The following TCEANC2 variants were observed in gnomAD, a reference collection of about 807,000 sequenced individuals.
TCEANC2 encodes the protein transcription elongation factor A N-terminal and central domain-containing protein 2.
In TCEANC2, 20 loss-of-function variants were observed where a neutral mutation model predicts 22.8. The observed-to-expected ratio is 0.88, with a 90% CI of 0.62 to 1.28. The LOEUF is 1.28. Ranked by LOEUF, TCEANC2 falls within the 50% of genes most tolerant of loss-of-function variation. The pLI is 0.00. For synonymous variants in TCEANC2, 84 were observed against 95.5 expected (o/e 0.88, Z 0.70); for missense variants, 251 against 249.7 (o/e 1.01, Z -0.03).
intron 3 of TCEANC2, among the ~76,000 whole-genome samples, chr1:54,080,656 C>G (rs1265192514): frequency 6.6e-6 from 1 of 152,208 alleles, no homozygotes; most frequent in Non-Finnish European, 1.5e-5. Context: ...ACAGATTAGT[C>G]TGGATTTTCC....
chr1:54,079,869 G>A (rs773163982), intron 3 of TCEANC2, among the ~76,000 whole-genome samples: 2 of 152,134 alleles, frequency 1.3e-5, no homozygotes, highest in Non-Finnish European at 2.9e-5. Context: ...TCAGGCTTCT[G>A]TGCTCTTGTT....
intron 3 of TCEANC2, among the ~76,000 whole-genome samples, chr1:54,083,606 G>T (rs1389422518): frequency 6.6e-6 from 1 of 152,166 alleles, no homozygotes; most frequent in African/African-American, 2.4e-5. Context: ...CATAAAGCTG[G>T]GTCAGCAGTG....
chr1:54,061,102 G>A (rs1259069048), intron 2 of TCEANC2, among the ~76,000 whole-genome samples: 1 of 152,166 alleles, frequency 6.6e-6, no homozygotes, highest in Non-Finnish European at 1.5e-5. Flanking sequence ...TTCAATGAGT[G>A]GTATGTGCTC....
At position 54,078,978 on chromosome 1, in the gene TCEANC2, G is replaced by GC. The variant is rs201051896; in HGVS notation, c.245-9618dup. ...AACTAGCAAAACGCCTTTGGAGCTGGCAGTGATAAGGCCTCTGTGAGTGGA... is the reference window on the plus strand; with the variant it reads ...AACTAGCAAAACGCCTTTGGAGCTGGCCAGTGATAAGGCCTCTGTGAGTGGA... On this transcript the variant is annotated intron_variant, in intron 3 of 4. Transcript: ENST00000234827. Among the ~76,000 whole-genome samples the GC allele has an allele frequency of 7.5e-4, 115 of 152,318 alleles. 1 individual carries two copies. The East Asian group carries it at 0.02, about 27-fold the overall frequency.
chr1:54,056,972 C>G (rs111893545), intron 2 of TCEANC2, among the ~76,000 whole-genome samples: 14,945 of 151,146 alleles, frequency 0.099, 1,751 homozygotes, highest in African/African-American at 0.29. Flanking sequence ...AACCTGGGAG[C>G]TGGAGGTTGC....
intron 3 of TCEANC2, among the ~76,000 whole-genome samples, chr1:54,077,196 G>A (rs1334271823): frequency 2.0e-5 from 3 of 152,266 alleles, no homozygotes; most frequent in African/African-American, 4.8e-5. Flanking sequence ...GATGCCTCTC[G>A]CTATGTTGCC....
intron 3 of TCEANC2, among the ~76,000 whole-genome samples, chr1:54,076,642 T>G (rs1408301586): frequency 6.6e-6 from 1 of 152,158 alleles, no homozygotes; most frequent in East Asian, 1.9e-4. Context: ...TAGGATGACA[T>G]GATGAGCGTT....
chr1:54,058,275 C>T (rs1473753396), intron 2 of TCEANC2, among the ~76,000 whole-genome samples: 1 of 152,172 alleles, frequency 6.6e-6, no homozygotes, highest in East Asian at 1.9e-4. Flanking sequence ...TGGGCCCTTC[C>T]TGACCACCCT....
intron 3 of TCEANC2, among the ~76,000 whole-genome samples, chr1:54,079,162 ATC>A (rs769686638): frequency 7.2e-5 from 11 of 152,304 alleles, no homozygotes; most frequent in Middle Eastern, 3.4e-3. Flanking sequence ...TGTCAATCAT[ATC>A]TGATTTCAGA....
In TCEANC2 at chr1:54,099,575, C is replaced by T. The variant is rs988890709; in HGVS notation, c.*3102C>T. ...CCTGGCCAACATGGCGAAACCCTGT[C>T]TGTACTAAAAATACAAAAATTAGCC... On this transcript the variant is annotated 3_prime_UTR_variant, in exon 5 of 5. Coordinates refer to ENST00000234827, the MANE Select transcript of TCEANC2 (RefSeq NM_153035.3). 1.3e-5 allele frequency: 2 copies of T among 151,936 alleles called. No homozygotes were observed. Among genetic ancestry groups the T allele is most frequent in the African/African-American group, 4.8e-5 (2 of 41,336 alleles). 9.4% of individuals were successfully genotyped at this position (151,936 alleles called of 1,614,324 possible).
chr1:54,104,824 G>C lies in TCEANC2; in HGVS notation c.*8351G>C, dbSNP rs1441714634. 2 of 373,426 alleles carry C rather than the reference G, an allele frequency of 5.4e-6. No individual in the cohort carries two copies. Among genetic ancestry groups the C allele is most frequent in the East Asian group, 1.5e-4 (2 of 13,280 alleles). 23.1% of individuals were successfully genotyped at this position (373,426 alleles called of 1,614,324 possible). A position where few individuals can be genotyped will look rare whatever the true frequency, so the allele number is the denominator to read the frequency against. On this transcript the variant is annotated 3_prime_UTR_variant, in exon 5 of 5. Coordinates refer to ENST00000234827, the MANE Select transcript of TCEANC2 (RefSeq NM_153035.3). ...CCCAAAGTGCTGGGATTACAGGCGTGAGCCACTGCGCCTGGCCCCTTGCCC... is the reference window on the plus strand; with the variant it reads ...CCCAAAGTGCTGGGATTACAGGCGTCAGCCACTGCGCCTGGCCCCTTGCCC...
downstream of TCEANC2, among the ~76,000 whole-genome samples, chr1:54,106,791 C>A (rs886362021): frequency 6.6e-6 from 1 of 152,010 alleles, no homozygotes. Context: ...CAGATATATA[C>A]CCAATTTAGA....
At position 54,103,978 on chromosome 1, in the gene TCEANC2, G is replaced by C. The variant is rs545347948; in HGVS notation, c.*7505G>C. ...AAGGAGGTGCAGCAGTGGGCACATG[G>C]TGACAGGGTCCACTTGTCCTTTCAT... On this transcript the variant is annotated 3_prime_UTR_variant, in exon 5 of 5. Transcript: ENST00000234827. The C allele has an allele frequency of 6.6e-6, 1 of 152,340 alleles. No homozygotes were observed. Among genetic ancestry groups the C allele is most frequent in the Non-Finnish European group, 1.5e-5 (1 of 68,046 alleles). The allele number at this position is 152,340 out of a possible 1,614,324, so 9.4% of individuals were successfully genotyped here.
Position 54,055,557 on chromosome 1 carries a change from A to G in TCEANC2, c.102+1033A>G, listed in dbSNP as rs79888173. Reference sequence around the variant, plus strand: ...TCTGTCACATTTTATGTATTTGGCCAGGATGACATTATCCATTCTTTAGGC... The same window carrying G: ...TCTGTCACATTTTATGTATTTGGCCGGGATGACATTATCCATTCTTTAGGC... On this transcript the variant is annotated intron_variant, in intron 2 of 4. Transcript: ENST00000234827. Among the ~76,000 whole-genome samples, 476 of 152,340 alleles carry G rather than the reference A, an allele frequency of 3.1e-3. 2 individuals carry two copies. The highest frequency in any genetic ancestry group is 0.011 in the African/African-American group (452 of 41,584).
At chr1:54,083,939 T>G (rs1430668627) in intron 3 of TCEANC2, among the ~76,000 whole-genome samples, 2 of 152,222 alleles carry the variant, frequency 1.3e-5, no homozygotes, top group Non-Finnish European at 2.9e-5. Context: ...CTCTGAGACC[T>G]GCTTTTTTCA....
rs1477783721 is a variant in TCEANC2, at chr1:54,090,102, T to C, written c.438+1312T>C. ...AAAGGAATGGAGAGATCAGTAATCA[T>C]TCCAGCTGGTGTAATAATGAATTGT... On this transcript the variant is annotated intron_variant, in intron 4 of 4. Coordinates refer to ENST00000234827, the MANE Select transcript of TCEANC2 (RefSeq NM_153035.3). 3 of 574,994 alleles carry C rather than the reference T, an allele frequency of 5.2e-6. No homozygotes were observed. The African/African-American group carries it at 5.8e-5, about 11-fold the overall frequency. The allele number at this position is 574,994 out of a possible 1,614,324, so 35.6% of individuals were successfully genotyped here. A position where few individuals can be genotyped will look rare whatever the true frequency, so the allele number is the denominator to read the frequency against.
At chr1:54,089,649 A>T (rs1043202582) in intron 4 of TCEANC2, among the ~76,000 whole-genome samples, 2 of 152,268 alleles carry the variant, frequency 1.3e-5, no homozygotes, top group African/African-American at 4.8e-5. Context: ...ATATTAATAA[A>T]ATAAGCAATT....
chr1:54,069,072 T>C (rs1478485065), intron 3 of TCEANC2, among the ~76,000 whole-genome samples, 175 bp downstream of exon 3: 3 of 152,206 alleles, frequency 2.0e-5, no homozygotes, highest in Non-Finnish European at 4.4e-5. Flanking sequence ...ACCTTGGTAA[T>C]ATATTAAAAA....
chr1:54,100,737 C>T lies in TCEANC2; in HGVS notation c.*4264C>T, dbSNP rs1233937462. On this transcript the variant is annotated 3_prime_UTR_variant, in exon 5 of 5. Coordinates refer to ENST00000234827, the MANE Select transcript of TCEANC2 (RefSeq NM_153035.3). ...TGAGAAATTGGGCAAAAAAAGTAAC[C>T]AAGGCCTTGGAGGCCTTATCAACGA... 1 of 152,152 alleles carries T rather than the reference C, an allele frequency of 6.6e-6. No homozygotes were observed. Among genetic ancestry groups the T allele is most frequent in the African/African-American group, 2.4e-5 (1 of 41,440 alleles). The allele number at this position is 152,152 out of a possible 1,614,324, so 9.4% of individuals were successfully genotyped here. A position where few individuals can be genotyped will look rare whatever the true frequency, so the allele number is the denominator to read the frequency against.
Sources: allele counts gnomAD v4.1 joint callset (sites outside exome capture counted in the v4.1 genomes callset), GRCh38; gene constraint gnomAD v4.1.1; transcripts MANE v1.5; gene names NCBI Gene and HGNC (gene_info 2026-07-23, HGNC 2026-07-21).